Variants in PM20D2 observed in about 807,000 individuals in gnomAD.
The protein encoded by PM20D2 is xaa-Arg dipeptidase.
PM20D2 carries 33 observed loss-of-function variants against 42.9 expected under a neutral mutation model. The ratio of observed to expected loss-of-function variants is 0.77; its 90% confidence interval spans 0.58 to 1.03. PM20D2 has a LOEUF of 1.03. Among genes scored for constraint, PM20D2 ranks in the 50% least tolerant of loss-of-function variants. The pLI is 0.00. For synonymous variants in PM20D2, 250 were observed against 228.2 expected, an observed-to-expected ratio of 1.10 and a Z score of -0.86; for missense variants, 548 against 557.0, an observed-to-expected ratio of 0.98 and a Z score of 0.16.
chr6:89,118,118 C>T, the PM20D2 span: 6 of 152,252 alleles, frequency 3.9e-5, no homozygotes, highest in East Asian at 1.9e-4. Flanking sequence ...GGCCCAGGGG[C>T]CGCGGGAATT....
rs1343675822 is a variant in PM20D2 at position 89,162,102 on chromosome 6, C to A, written c.1157-7C>A. 7.5e-6 allele frequency: 12 copies of A among 1,598,936 alleles called. No homozygotes were observed. In the South Asian group the frequency reaches 1.3e-4, roughly 17 times the overall value. The stretch of plus-strand genomic sequence containing the variant: ...TAAGGAGGTATTTTATTTTCTCTAC[C>A]TTTTAGGGTCACAGGAAGCTCAGTT... On this transcript the variant is annotated splice_polypyrimidine_tract_variant and splice_region_variant and intron_variant, in intron 6 of 6. Transcript: ENST00000275072.
intron 2 of PM20D2, among the ~76,000 whole-genome samples, chr6:89,150,307 T>G (rs908171117): frequency 6.6e-6 from 1 of 152,112 alleles, no homozygotes; most frequent in Non-Finnish European, 1.5e-5. Context: ...GAACTTTGGT[T>G]TCAAGGGTGG....
rs1382399323 is a variant in PM20D2 at position 89,164,796 on chromosome 6, T to G, written c.*2533T>G. 1 of 152,272 alleles carries G rather than the reference T, an allele frequency of 6.6e-6. No homozygotes were observed. Among genetic ancestry groups the G allele is most frequent in the Non-Finnish European group, 1.5e-5 (1 of 67,950 alleles). The allele number at this position is 152,272 out of a possible 1,614,324, so 9.4% of individuals were successfully genotyped here. On this transcript the variant is annotated 3_prime_UTR_variant, in exon 7 of 7. Transcript: ENST00000275072. ...AAATTATGTGTATTTTCTTCTCTTT[T>G]ACATAAATTGTTTGTGAAAAGTGTG...
At chr6:89,117,826 G>A in the PM20D2 span, 1 of 1,557,296 alleles carries the variant, frequency 6.4e-7, no homozygotes, top group Non-Finnish European at 8.7e-7. Context: ...CGTTCACCTG[G>A]TGGCGTCCGC....
the PM20D2 span, chr6:89,105,002 G>T: frequency 9.9e-7 from 1 of 1,008,282 alleles, no homozygotes; most frequent in Non-Finnish European, 1.4e-6. Context: ...TCTACAGTGG[G>T]CCATGATCGC....
At chr6:89,102,271 G>A in the PM20D2 span, among the ~76,000 whole-genome samples, 3 of 151,970 alleles carry the variant, frequency 2.0e-5, no homozygotes, top group Non-Finnish European at 4.4e-5. Context: ...AACCTCCCAA[G>A]TAGCTGGGAT....
At chr6:89,117,969 G>A in the PM20D2 span, 3 of 1,426,840 alleles carry the variant, frequency 2.1e-6, no homozygotes, top group South Asian at 1.3e-5. Flanking sequence ...ACCACCACAG[G>A]AGCTCCGCCG....
the PM20D2 span, among the ~76,000 whole-genome samples, chr6:89,130,122 C>T: frequency 6.6e-6 from 1 of 151,556 alleles, no homozygotes; most frequent in African/African-American, 2.4e-5. Context: ...CTCACTGTGT[C>T]ACTCAGACTG....
chr6:89,098,562 C>T, the PM20D2 span: 3 of 1,591,230 alleles, frequency 1.9e-6, no homozygotes, highest in Admixed American at 1.7e-5. Context: ...CGGCGTGGTG[C>T]TCTTTCTGTT....
At chr6:89,157,731 G>A (rs1771098384) in intron 4 of PM20D2, among the ~76,000 whole-genome samples, 1 of 152,232 alleles carries the variant, frequency 6.6e-6, no homozygotes, top group African/African-American at 2.4e-5. Flanking sequence ...TAGGCTGGGT[G>A]CAGTGGCTCA....
chr6:89,146,578 A>G lies in PM20D2; in HGVS notation c.434A>G (p.Glu145Gly). 2.7e-6 allele frequency: 4 copies of G among 1,481,074 alleles called. No homozygotes were observed. Among genetic ancestry groups the G allele is most frequent in the Non-Finnish European group, 3.6e-6 (4 of 1,122,332 alleles). 91.7% of individuals were successfully genotyped at this position (1,481,074 alleles called of 1,614,324 possible). ...GCGCTGGGCGTGAGGGGGGCCTTAG[A>G]GGGCCTCCCCAGGCCGCCTCCGCCC... ...AAALGVRGAL[E>G]GLPRPPPPVK... Residue 145 changes from glutamate (E) to glycine (G), a missense_variant, in exon 1 of 7, where the codon GAG becomes GGG. Around this residue, in one of 3 missense-constraint regions of PM20D2, gnomAD observed 470 missense variants for 464.4 expected, o/e 1.01. Coordinates refer to ENST00000275072, the MANE Select transcript of PM20D2 (RefSeq NM_001010853.3).
chr6:89,100,494 A>G, the PM20D2 span, among the ~76,000 whole-genome samples: 1 of 148,290 alleles, frequency 6.7e-6, no homozygotes, highest in African/African-American at 2.5e-5. Flanking sequence ...AGCCTCTATA[A>G]TTTTTTGTCC....
At chr6:89,138,251 A>T in the PM20D2 span, among the ~76,000 whole-genome samples, 96,796 of 151,688 alleles carry the variant, frequency 0.64, 31,855 homozygotes, top group South Asian at 0.76. Flanking sequence ...ACATGATAGA[A>T]CCATATTATA....
upstream of PM20D2, among the ~76,000 whole-genome samples, chr6:89,142,774 C>T (rs1582321328): frequency 1.3e-5 from 2 of 152,210 alleles, no homozygotes; most frequent in South Asian, 4.1e-4. Flanking sequence ...TCTCCTGCCT[C>T]AGCCTCCCGA....
the PM20D2 span, among the ~76,000 whole-genome samples, chr6:89,115,937 G>A: frequency 0.65 from 99,307 of 151,896 alleles, 33,216 homozygotes; most frequent in East Asian, 0.78. Flanking sequence ...ACCCGGCCAC[G>A]AATGGGATTT....
the PM20D2 span, chr6:89,107,159 A>G: frequency 6.2e-7 from 1 of 1,613,820 alleles, no homozygotes; most frequent in South Asian, 1.1e-5. Context: ...GATATTGAAC[A>G]TAAGCAAATC....
the PM20D2 span, among the ~76,000 whole-genome samples, chr6:89,118,637 T>C: frequency 3.9e-5 from 6 of 152,280 alleles, no homozygotes; most frequent in South Asian, 8.3e-4. Context: ...TTAAGTATTA[T>C]ATGATTCTTC....
the PM20D2 span, among the ~76,000 whole-genome samples, chr6:89,114,387 C>T: frequency 6.6e-6 from 1 of 152,194 alleles, no homozygotes; most frequent in South Asian, 2.1e-4. Flanking sequence ...GAGATCGTGC[C>T]ACTGCACTCC....
At chr6:89,109,708 C>A in the PM20D2 span, among the ~76,000 whole-genome samples, 1 of 152,212 alleles carries the variant, frequency 6.6e-6, no homozygotes, top group East Asian at 1.9e-4. Context: ...CACCTGTTAG[C>A]TGTTGTTTTA....
Sources: allele counts gnomAD v4.1 joint callset (sites outside exome capture counted in the v4.1 genomes callset), GRCh38; gene constraint gnomAD v4.1.1; regional missense constraint gnomAD v4.1.1; transcripts MANE v1.5; gene names NCBI Gene and HGNC (gene_info 2026-07-23, HGNC 2026-07-21).